The following RNF212B variants were observed in gnomAD, a reference collection of about 807,000 sequenced individuals.
RNF212B encodes ring finger protein 212B, also known as E3 ubiquitin-protein ligase RNF212B.
Under a neutral mutation model 55.5 loss-of-function variants are expected in RNF212B, and 52 were observed. That is an observed-to-expected ratio of 0.94 (90% CI 0.75 to 1.18). The LOEUF (loss-of-function observed/expected upper bound fraction) is 1.18, where lower values mean the gene tolerates loss of function less well. Among genes scored for constraint, RNF212B ranks in the 50% most tolerant of loss-of-function variants. The pLI is 0.00. For synonymous variants in RNF212B, 99 were observed against 121.4 expected (o/e 0.82, Z 1.21); for missense variants, 289 against 350.4 (o/e 0.82, Z 1.40).
intron 1 of RNF212B, among the ~76,000 whole-genome samples, chr14:23,189,543 C>G (rs8013737): frequency 0.14 from 21,507 of 152,054 alleles, 2,021 homozygotes; most frequent in East Asian, 0.37. Flanking sequence ...TGGCTCACGT[C>G]TATAATCCCA....
At chr14:23,195,808 C>T (rs1008001769) in intron 2 of RNF212B, among the ~76,000 whole-genome samples, 8 of 152,138 alleles carry the variant, frequency 5.3e-5, no homozygotes, top group African/African-American at 1.9e-4. Flanking sequence ...TGTTTAATTT[C>T]GTTTAACCTT....
chr14:23,206,089 T>C (rs1879803790), intron 2 of RNF212B, among the ~76,000 whole-genome samples: 1 of 152,250 alleles, frequency 6.6e-6, no homozygotes, highest in Non-Finnish European at 1.5e-5. Context: ...TAGTCTTTTT[T>C]TTTGAGACGG....
chr14:23,264,182 C>G lies in RNF212B; in HGVS notation c.533C>G (p.Ser178Cys), dbSNP rs1454217468. Residue 178 changes from serine (S) to cysteine (C), a missense_variant, in exon 10 of 15, where the codon TCC (serine) becomes TGC (cysteine). Physicochemically the swap from Ser to Cys is moderately radical, Grantham distance 112. Transcript: ENST00000430154. ...QHSSQVVSRS[S>C]SAESIPYREA... ...TGTTTCACCTTATACAGTCGGTCCT[C>G]CTCAGCGGAATCTATTCCTTATAGA... 6.5e-7 allele frequency: 1 copy of G among 1,549,478 alleles called. No homozygotes were observed. The highest frequency in any genetic ancestry group is 8.7e-7 in the Non-Finnish European group (1 of 1,146,118).
intron 2 of RNF212B, among the ~76,000 whole-genome samples, chr14:23,231,187 C>T (rs1425560042): frequency 6.6e-6 from 1 of 151,962 alleles, no homozygotes. Context: ...ACATTGAATC[C>T]GTATATAGCT....
chr14:23,256,311 C>A (rs986888502), intron 4 of RNF212B, among the ~76,000 whole-genome samples: 2 of 151,954 alleles, frequency 1.3e-5, no homozygotes, highest in Admixed American at 1.3e-4. Flanking sequence ...TCACTCCTAC[C>A]CCCCTGCCAT....
At chr14:23,234,103 C>T (rs1003062600), upstream of RNF212B, among the ~76,000 whole-genome samples, 3 of 152,052 alleles carry the variant, frequency 2.0e-5, no homozygotes, top group African/African-American at 7.2e-5. Flanking sequence ...CGAAGGAACA[C>T]TCAAAAAGCC....
chr14:23,192,250 G>A (rs867039964), intron 1 of RNF212B, among the ~76,000 whole-genome samples: 3 of 152,068 alleles, frequency 2.0e-5, no homozygotes, highest in East Asian at 1.9e-4. Context: ...TGTTTATTGC[G>A]GCACTATTCA....
chr14:23,243,322 C>T lies in RNF212B; in HGVS notation c.153+14C>T. 1 of 1,546,894 alleles carries T rather than the reference C, an allele frequency of 6.5e-7. No individual in the cohort carries two copies. The highest frequency in any genetic ancestry group is 8.7e-7 in the Non-Finnish European group (1 of 1,143,756). Reference sequence around the variant, plus strand: ...CTTTCTGATAATGTAAGTTTTTCTCCCCCTGCCACAAACTGTCTCATCCCA... The same window carrying T: ...CTTTCTGATAATGTAAGTTTTTCTCTCCCTGCCACAAACTGTCTCATCCCA... On this transcript the variant is annotated intron_variant, in intron 3 of 14. Coordinates refer to ENST00000430154, the MANE Select transcript of RNF212B (RefSeq NM_001282322.3).
At chr14:23,271,501 GT>G (rs11299802) in intron 14 of RNF212B, among the ~76,000 whole-genome samples, 68,461 of 150,498 alleles carry the variant, frequency 0.45, 15,781 homozygotes, top group Non-Finnish European at 0.5. Context: ...TTTTTTGTTT[GT>G]TTTTTTTAAT....
intron 2 of RNF212B, among the ~76,000 whole-genome samples, chr14:23,203,096 G>A (rs923867210): frequency 6.6e-6 from 1 of 151,838 alleles, no homozygotes; most frequent in African/African-American, 2.4e-5. Flanking sequence ...AGTATACACT[G>A]CACCCTATTT....
At chr14:23,240,305 T>C in intron 1 of RNF212B, 40 bp from the exon 2 acceptor site, 1 of 1,322,800 alleles carries the variant, frequency 7.6e-7, no homozygotes, top group Non-Finnish European at 1.1e-6. Context: ...ATTATGTTAT[T>C]CTCTAGGTTA....
At chr14:23,242,072 A>T in intron 2 of RNF212B, among the ~76,000 whole-genome samples, 1 of 124,024 alleles carries the variant, frequency 8.1e-6, no homozygotes, top group South Asian at 2.8e-4. Context: ...ACAGAGCAAG[A>T]CTCCGTCTCA....
At chr14:23,252,395 G>A (rs1225100384) in intron 4 of RNF212B, among the ~76,000 whole-genome samples, 2 of 152,098 alleles carry the variant, frequency 1.3e-5, no homozygotes, top group East Asian at 1.9e-4. Context: ...AGTTTATTAT[G>A]ATTTCATCAC....
intron 3 of RNF212B, among the ~76,000 whole-genome samples, chr14:23,243,727 AGC>A (rs1883785404): frequency 6.7e-6 from 1 of 149,042 alleles, no homozygotes; most frequent in Non-Finnish European, 1.5e-5. Context: ...AAAGCAAGCA[AGC>A]AAGCAAGCAA....
intron 4 of RNF212B, 28 bp from the exon 5 acceptor site, chr14:23,258,521 A>G: frequency 5.4e-6 from 6 of 1,114,082 alleles, no homozygotes; most frequent in Non-Finnish European, 7.8e-6. Context: ...ATGGGAGAGT[A>G]TGTCAAAGGC....
At chr14:23,266,619 G>C (rs1203695885) in intron 11 of RNF212B, among the ~76,000 whole-genome samples, 1 of 149,722 alleles carries the variant, frequency 6.7e-6, no homozygotes, top group Non-Finnish European at 1.5e-5. Flanking sequence ...TCTCCATGTT[G>C]AGGCTGGTCT....
chr14:23,222,324 AT>A (rs1881644002), intron 2 of RNF212B, among the ~76,000 whole-genome samples: 2 of 152,292 alleles, frequency 1.3e-5, no homozygotes, highest in East Asian at 3.9e-4. Context: ...TACCACAGGA[AT>A]TCAAAGGGTT....
intron 1 of RNF212B, among the ~76,000 whole-genome samples, chr14:23,192,836 A>C (rs1317455117): frequency 6.6e-6 from 1 of 152,146 alleles, no homozygotes; most frequent in Non-Finnish European, 1.5e-5. Flanking sequence ...TCATGCCTGT[A>C]ATCCCAGCAC....
intron 2 of RNF212B, among the ~76,000 whole-genome samples, chr14:23,225,466 T>C (rs1881921432): frequency 6.6e-6 from 1 of 152,202 alleles, no homozygotes; most frequent in Non-Finnish European, 1.5e-5. Context: ...AGTAGAGTAC[T>C]ATTCAGCCAT....
Sources: allele counts gnomAD v4.1 joint callset (sites outside exome capture counted in the v4.1 genomes callset), GRCh38; gene constraint gnomAD v4.1.1; transcripts MANE v1.5; gene names NCBI Gene and HGNC (gene_info 2026-07-23, HGNC 2026-07-21).